CDHR2: variants seen among roughly 807,000 people sequenced by gnomAD.
CDHR2 encodes the protein cadherin-related family member 2.
A neutral mutation model predicts 138.6 loss-of-function variants in CDHR2; 104 were observed. The observed-to-expected ratio is 0.75, with a 90% CI of 0.64 to 0.88. The LOEUF (loss-of-function observed/expected upper bound fraction) is 0.88. Among genes scored for constraint, CDHR2 ranks in the 40% least tolerant of loss-of-function variants. The pLI is 0.00. For synonymous variants in CDHR2, 755 were observed against 742.8 expected (o/e 1.02, Z -0.27); for missense variants, 1,624 against 1,727.6 (o/e 0.94, Z 1.06).
In CDHR2 at chr5:176,584,640, G is replaced by C. The variant is rs148792429; in HGVS notation, c.2359G>C (p.Gly787Arg). ...TVSAENPDPQ[G>R]GETIVDVCVN... ...GAGTGCTGAGAACCCAGACCCCCAG[G>C]GGGGTGAGACCATAGTAGACGTCTG... Residue 787 changes from glycine (G) to arginine (R), a missense_variant, in exon 19 of 32, where the codon GGG becomes CGG. This residue lies in a region of CDHR2 where 1,061 missense variants were observed against 1,136.6 expected (regional missense o/e 0.93). Transcript: ENST00000261944. 5.8e-5 allele frequency: 94 copies of C among 1,611,728 alleles called. No homozygotes were observed. The highest frequency in any genetic ancestry group is 2.4e-4 in the South Asian group (22 of 91,002).
At chr5:176,565,855 CAA>C (rs939521000) in intron 3 of CDHR2, 112 bp downstream of exon 3, 2 of 750,760 alleles carry the variant, frequency 2.7e-6, no homozygotes, top group African/African-American at 3.5e-5. Flanking sequence ...TATTGTGGGA[CAA>C]AGAGGGACTG....
rs1459492773 is a variant in CDHR2, at chr5:176,584,725, G to T, written c.2444G>T (p.Gly815Val). 1.9e-6 allele frequency: 3 copies of T among 1,614,190 alleles called. No homozygotes were observed. The highest frequency in any genetic ancestry group is 2.7e-5 in the African/African-American group (2 of 75,068). The change falls in exon 19 of 32, where the codon GGC (glycine) becomes GTC (valine). Residue 815 changes from glycine to valine, a missense_variant. Gly to Val is a moderately radical substitution (Grantham distance 109, BLOSUM62 -3). Transcript: ENST00000261944. ...ACCCTGGATGTAGCCTCACTCCGGG[G>T]CATCCGTGTGGCTGAGAATGGCTCA... Reference protein sequence around the residue: ...PPTLDVASLRGIRVAENGSQH... With the variant: ...PPTLDVASLRVIRVAENGSQH...
At chr5:176,589,745 A>G in intron 24 of CDHR2, 129 bp downstream of exon 24, 1 of 801,376 alleles carries the variant, frequency 1.2e-6, no homozygotes, top group South Asian at 1.6e-5. Flanking sequence ...CCCTGTCTTC[A>G]ACCCTGTACT....
rs574586223 is a variant in CDHR2, at chr5:176,563,698, G to A, written c.-15-1640G>A. On this transcript the variant is annotated intron_variant, in intron 1 of 31. Coordinates refer to ENST00000261944, the MANE Select transcript of CDHR2 (RefSeq NM_017675.6). ...CCTGTAAAAGAGAAGGGTATAATGA[G>A]GCATGATTGACCTCCCATCCCGCCA... is the stretch of plus-strand genomic sequence containing the variant. 1.8e-3 allele frequency among the ~76,000 whole-genome samples: 273 copies of A among 152,226 alleles called. 2 individuals are homozygous for A. Among genetic ancestry groups the A allele is most frequent in the Admixed American group, 5.6e-3 (85 of 15,284 alleles).
At position 176,585,265 on chromosome 5, in the gene CDHR2, C is replaced by T. The variant is rs150301187; in HGVS notation, c.2734+250C>T. On this transcript the variant is annotated intron_variant, in intron 19 of 31. Coordinates refer to ENST00000261944, the MANE Select transcript of CDHR2 (RefSeq NM_017675.6). Reference sequence around the variant, plus strand: ...GTATGGCATTTATTGCAGTGCCTGGCATGCAGTAGCATCAAATTAATGCCA... The same window carrying T: ...GTATGGCATTTATTGCAGTGCCTGGTATGCAGTAGCATCAAATTAATGCCA... Among the ~76,000 whole-genome samples, 380 of 151,582 alleles carry T rather than the reference C, an allele frequency of 2.5e-3. 3 individuals are homozygous for T. Among genetic ancestry groups the T allele is most frequent in the South Asian group, 0.014 (66 of 4,756 alleles).
rs1221601829 is a variant in CDHR2, at chr5:176,543,884, G to A, written c.-16+1115G>A. Among the ~76,000 whole-genome samples, 1 of 152,218 alleles carries A rather than the reference G, an allele frequency of 6.6e-6. No homozygotes were observed. Among genetic ancestry groups the A allele is most frequent in the Admixed American group, 6.5e-5 (1 of 15,282 alleles). On this transcript the variant is annotated intron_variant, in intron 1 of 31. Coordinates refer to the CDHR2 transcript ENST00000510636. This position sits in a 1 kb window ranked among gnomAD's most constrained non-coding sequence, Gnocchi z 4.0. ...GAGGCGGCCGGCCGAGACATCGGGAGGGATTACGTTCCCCGCAACCCCTGT... is the reference window on the plus strand; with the variant it reads ...GAGGCGGCCGGCCGAGACATCGGGAAGGATTACGTTCCCCGCAACCCCTGT...
In CDHR2 at chr5:176,575,813, G is replaced by T; in HGVS notation, c.934G>T (p.Asp312Tyr). ...SLDREQLLEA[D>Y]EEVQLQVTAT... is the part of the protein sequence containing the mutation. ...GGACCGTGAGCAGCTGCTGGAGGCG[G>T]ATGAGGAGGTGCAGCTGCAGGTCAC... is the stretch of plus-strand genomic sequence containing the variant. Residue 312 changes from aspartate (D) to tyrosine (Y), a missense_variant, in exon 11 of 32, where the codon GAT becomes TAT. Asp to Tyr is a radical substitution (Grantham distance 160). Around this residue, in one of 3 missense-constraint regions of CDHR2, gnomAD observed 1,061 missense variants for 1,136.6 expected, o/e 0.93. Coordinates refer to ENST00000261944, the MANE Select transcript of CDHR2 (RefSeq NM_017675.6). 1 of 1,553,428 alleles carries T rather than the reference G, an allele frequency of 6.4e-7. No individual in the cohort carries two copies. The highest frequency in any genetic ancestry group is 8.7e-7 in the Non-Finnish European group (1 of 1,147,986).
At chr5:176,544,488 G>T (rs1396644625), upstream of CDHR2, among the ~76,000 whole-genome samples, 6 of 141,788 alleles carry the variant, frequency 4.2e-5, no homozygotes, top group Non-Finnish European at 9.0e-5. Flanking sequence ...CGCCCAGGCT[G>T]GAGTGCAGTG....
chr5:176,578,148 C>T (rs1206882238), intron 15 of CDHR2, 53 bp downstream of exon 15: 32 of 1,483,120 alleles, frequency 2.2e-5, no homozygotes, highest in Non-Finnish European at 2.8e-5. Context: ...CCCAGGCCCA[C>T]CTCTCTGCCT....
At position 176,584,663 on chromosome 5, in the gene CDHR2, C is replaced by G; in HGVS notation, c.2382C>G (p.Val794=). ...AGGGGGGTGAGACCATAGTAGACGTCTGCGTGAATGTGAAAGACGTGAACG... is the reference window on the plus strand; with the variant it reads ...AGGGGGGTGAGACCATAGTAGACGTGTGCGTGAATGTGAAAGACGTGAACG... ...DPQGGETIVD[V]CVNVKDVNDN... Residue 794 remains valine (V), a synonymous_variant, in exon 19 of 32, where the codon GTC becomes GTG. Transcript: ENST00000261944. 1 of 1,614,058 alleles carries G rather than the reference C, an allele frequency of 6.2e-7. No homozygotes were observed. Among genetic ancestry groups the G allele is most frequent in the Non-Finnish European group, 8.5e-7 (1 of 1,180,000 alleles).
intron 17 of CDHR2, among the ~76,000 whole-genome samples, chr5:176,582,782 A>C (rs1453872614): frequency 1.3e-5 from 2 of 152,190 alleles, no homozygotes; most frequent in Non-Finnish European, 2.9e-5. Flanking sequence ...ACCCTGTCTC[A>C]AAAAAAGAAA....
intron 7 of CDHR2, 104 bp downstream of exon 7, chr5:176,574,276 C>A (rs1758306967): frequency 3.5e-6 from 3 of 867,882 alleles, no homozygotes; most frequent in Non-Finnish European, 3.7e-6. Context: ...ATTGGTCCTG[C>A]CTTGGCCCAG....
At chr5:176,589,717 A>G in intron 24 of CDHR2, 101 bp downstream of exon 24, 1 of 1,024,342 alleles carries the variant, frequency 9.8e-7, no homozygotes, top group Non-Finnish European at 1.5e-6. Context: ...CCTGTTCCTG[A>G]CCCACATTTG....
intron 22 of CDHR2, 60 bp from the exon 23 acceptor site, chr5:176,589,270 A>G (rs1758772925): frequency 1.3e-6 from 2 of 1,585,674 alleles, no homozygotes; most frequent in East Asian, 2.2e-5. Context: ...TGGAGGTTAC[A>G]AGGGTCCTGA....
rs754317963 is a variant in CDHR2, at chr5:176,591,247, G to A, written c.3577G>A (p.Glu1193Lys). 1.7e-5 allele frequency: 27 copies of A among 1,613,866 alleles called. No homozygotes were observed. Among genetic ancestry groups the A allele is most frequent in the Non-Finnish European group, 2.2e-5 (26 of 1,180,020 alleles). Residue 1193 changes from glutamate (E) to lysine (K), a missense_variant, in exon 29 of 32, where the codon GAG becomes AAG. This residue lies in a region of CDHR2 where 556 missense variants were observed against 565.7 expected (regional missense o/e 0.98). Transcript: ENST00000261944. ...GCTTCAAGCTATGAAGGCTGCCAAG[G>A]AGGCCAGGAAGACAGCAGCAGGGGT... is the stretch of plus-strand genomic sequence containing the variant. Reference protein sequence around the residue: ...RKLQAMKAAKEARKTAAGVMP... With the variant: ...RKLQAMKAAKKARKTAAGVMP...
At chr5:176,579,135 G>A (rs181425762) in intron 16 of CDHR2, among the ~76,000 whole-genome samples, 338 of 152,308 alleles carry the variant, frequency 2.2e-3, no homozygotes, top group Non-Finnish European at 4.1e-3. Flanking sequence ...AGTGACTCCA[G>A]AGAAACACCG....
chr5:176,577,328 T>G, intron 12 of CDHR2, 71 bp from the exon 13 acceptor site: 1 of 1,510,644 alleles, frequency 6.6e-7, no homozygotes, highest in Middle Eastern at 2.1e-4. Context: ...GATAGAAGCC[T>G]GGGGACTGGG....
intron 6 of CDHR2, among the ~76,000 whole-genome samples, chr5:176,571,522 CAA>C (rs137966232): frequency 0.012 from 1,670 of 141,190 alleles, 36 homozygotes; most frequent in African/African-American, 0.04. Context: ...GTGATGAAAG[CAA>C]AAAAAAAAAA....
At chr5:176,588,783 CAT>C (rs1010574083) in intron 21 of CDHR2, among the ~76,000 whole-genome samples, 9 of 151,924 alleles carry the variant, frequency 5.9e-5, no homozygotes, top group South Asian at 2.1e-4. Flanking sequence ...AGGATTTCCA[CAT>C]GTGAGGGACT....
Sources: gnomAD v4.1 joint callset for allele counts (sites outside exome capture counted in the v4.1 genomes callset) on GRCh38, gnomAD v4.1.1 for gene constraint, gnomAD v4.1.1 regional missense constraint, Gnocchi (gnomAD v3.1) non-coding constraint, MANE v1.5 for transcripts, NCBI Gene and HGNC (gene_info 2026-07-23, HGNC 2026-07-21) for gene names.